The following NLRP12 variants were observed in gnomAD, a reference collection of about 807,000 sequenced individuals.
NLRP12 encodes the protein NACHT, LRR and PYD domains-containing protein 12.
A neutral mutation model predicts 91.2 loss-of-function variants in NLRP12; 108 were observed. The observed-to-expected ratio is 1.18, with a 90% CI of 1.01 to 1.39. The LOEUF (loss-of-function observed/expected upper bound fraction) is 1.39. Ranked by LOEUF, NLRP12 falls within the 40% of genes most tolerant of loss-of-function variation. The pLI is 0.00. For synonymous variants in NLRP12, 613 were observed against 566.7 expected, an observed-to-expected ratio of 1.08 and a Z score of -1.16; for missense variants, 1,530 against 1,352.7, an observed-to-expected ratio of 1.13 and a Z score of -2.06.
Position 53,809,983 on chromosome 19 carries a change from G to C in NLRP12, c.1676C>G (p.Thr559Ser). 1 of 1,614,150 alleles carries C rather than the reference G, an allele frequency of 6.2e-7. No homozygotes were observed. Among genetic ancestry groups the C allele is most frequent in the Non-Finnish European group, 8.5e-7 (1 of 1,180,032 alleles). ...CAGGAGTCCAAACAGGAAGCGGCTGGTGAGTGCCAGGAAGCTCCTTTCAGA... is the reference window on the plus strand; with the variant it reads ...CAGGAGTCCAAACAGGAAGCGGCTGCTGAGTGCCAGGAAGCTCCTTTCAGA... Reference protein sequence around the residue: ...AFSERSFLALTSRFLFGLLNE... With the variant: ...AFSERSFLALSSRFLFGLLNE... The change falls in exon 3 of 10, where the codon ACC (threonine) becomes AGC (serine). Residue 559 changes from threonine to serine, a missense_variant. Transcript: ENST00000324134.
At chr19:53,821,679 C>T (rs1299069869) in intron 1 of NLRP12, among the ~76,000 whole-genome samples, 1 of 151,950 alleles carries the variant, frequency 6.6e-6, no homozygotes, top group Non-Finnish European at 1.5e-5. Context: ...ACAACAACAA[C>T]AAAAAGAAAT....
In NLRP12 at chr19:53,805,436, C is replaced by A. The variant is rs148745997; in HGVS notation, c.2258G>T (p.Arg753Leu). 42 of 1,613,666 alleles carry A rather than the reference C, an allele frequency of 2.6e-5. No individual in the cohort carries two copies. Among genetic ancestry groups the A allele is most frequent in the Non-Finnish European group, 3.3e-5 (39 of 1,179,904 alleles). Reference protein sequence around the residue: ...KLQNLRLKRCRISSSACEDLS... With the variant: ...KLQNLRLKRCLISSSACEDLS... Reference sequence around the variant, plus strand: ...GTCCTCGCAGGCTGAGCTGGAGATGCGGCACCTCTTCAGCCTGGGGTGGAA... The same window carrying A: ...GTCCTCGCAGGCTGAGCTGGAGATGAGGCACCTCTTCAGCCTGGGGTGGAA... The change falls in exon 5 of 10, where the codon CGC (arginine) becomes CTC (leucine). Residue 753 changes from arginine (R) to leucine (L), a missense_variant. Arg to Leu is a moderately radical substitution (Grantham distance 102). Transcript: ENST00000324134.
At chr19:53,805,083 A>G (rs2122606172) in intron 5 of NLRP12, among the ~76,000 whole-genome samples, 197 bp downstream of exon 5, 1 of 152,220 alleles carries the variant, frequency 6.6e-6, no homozygotes, top group African/African-American at 2.4e-5. Flanking sequence ...CATCATGTAG[A>G]ATTGAGTGTG....
At chr19:53,800,284 G>A (rs986297113) in intron 7 of NLRP12, among the ~76,000 whole-genome samples, 21 of 152,088 alleles carry the variant, frequency 1.4e-4, no homozygotes, top group South Asian at 8.3e-4. Context: ...CAGCCTGGGC[G>A]ACAGGGCAAG....
At chr19:53,814,078 C>T (rs1477330113) in intron 2 of NLRP12, among the ~76,000 whole-genome samples, 2 of 152,148 alleles carry the variant, frequency 1.3e-5, no homozygotes, top group Non-Finnish European at 2.9e-5. Flanking sequence ...AACAGTGTTG[C>T]TGTCTACCCA....
chr19:53,809,975 A>G lies in NLRP12; in HGVS notation c.1684T>C (p.Phe562Leu). 1 of 1,614,104 alleles carries G rather than the reference A, an allele frequency of 6.2e-7. No homozygotes were observed. The highest frequency in any genetic ancestry group is 8.5e-7 in the Non-Finnish European group (1 of 1,180,020). ...TCCTCGTTCAGGAGTCCAAACAGGA[A>G]GCGGCTGGTGAGTGCCAGGAAGCTC... is the stretch of plus-strand genomic sequence containing the variant. ...ERSFLALTSR[F>L]LFGLLNEETR... The change falls in exon 3 of 10, where the codon TTC becomes CTC. Residue 562 changes from phenylalanine (F) to leucine (L), a missense_variant. Phe to Leu is a conservative substitution (Grantham distance 22). Transcript: ENST00000324134.
intron 9 of NLRP12, among the ~76,000 whole-genome samples, chr19:53,795,099 G>GGTGTGTCT (rs2091726798): frequency 2.2e-5 from 3 of 133,398 alleles, no homozygotes; most frequent in African/African-American, 8.1e-5. Context: ...CACCATACCT[G>GGTGTGTCT]GTGTGTGCGT....
rs182841683 is a variant in NLRP12 at position 53,802,543 on chromosome 19, T to C, written c.2586-1146A>G. Among the ~76,000 whole-genome samples the C allele has an allele frequency of 3.0e-3, 448 of 151,582 alleles. 1 individual carries two copies. The highest frequency in any genetic ancestry group is 0.01 in the African/African-American group (421 of 41,362). On this transcript the variant is annotated intron_variant, in intron 6 of 9. Coordinates refer to ENST00000324134, the MANE Select transcript of NLRP12 (RefSeq NM_144687.4). Reference sequence around the variant, plus strand: ...TAACACGGTGAAACCCCGTCTCTACTAAAAATACAAAAAATTAGCCAAGCG... The same window carrying C: ...TAACACGGTGAAACCCCGTCTCTACCAAAAATACAAAAAATTAGCCAAGCG...
intron 5 of NLRP12, among the ~76,000 whole-genome samples, chr19:53,804,438 A>G (rs8109750): frequency 0.91 from 126,809 of 138,884 alleles, 58,031 homozygotes; most frequent in Non-Finnish European, 0.95. Context: ...TCATTCTGTC[A>G]CCCAGGCTGG....
chr19:53,805,903 T>C (rs761128239), intron 4 of NLRP12: 7 of 227,716 alleles, frequency 3.1e-5, no homozygotes, highest in Non-Finnish European at 6.2e-5. Context: ...AATGTTTTGA[T>C]GCTTTGTAGT....
chr19:53,805,260 T>A lies in NLRP12; in HGVS notation c.2414+20A>T. 1 of 1,612,372 alleles carries A rather than the reference T, an allele frequency of 6.2e-7. No homozygotes were observed. Among genetic ancestry groups the A allele is most frequent in the Non-Finnish European group, 8.5e-7 (1 of 1,178,680 alleles). On this transcript the variant is annotated intron_variant, in intron 5 of 9. Transcript: ENST00000324134. ...GGAGACAATGAGCTTAAGAAGTTGC[T>A]CCCGGGGATAGAGACTCACTGAATC...
In NLRP12 at chr19:53,798,227, A is replaced by T; in HGVS notation, c.2927+16T>A. ...CAAACGTGACCACTGCCACCCCGTCACTCCCCGATGCTCACCACAGTTTCT... is the reference window on the plus strand; with the variant it reads ...CAAACGTGACCACTGCCACCCCGTCTCTCCCCGATGCTCACCACAGTTTCT... On this transcript the variant is annotated intron_variant, in intron 8 of 9. Coordinates refer to ENST00000324134, the MANE Select transcript of NLRP12 (RefSeq NM_144687.4). 6.2e-7 allele frequency: 1 copy of T among 1,613,880 alleles called. No homozygotes were observed. The highest frequency in any genetic ancestry group is 8.5e-7 in the Non-Finnish European group (1 of 1,179,960).
chr19:53,809,735 C>A lies in NLRP12; in HGVS notation c.1924G>T (p.Ala642Ser). 1 of 1,614,084 alleles carries A rather than the reference C, an allele frequency of 6.2e-7. No individual in the cohort carries two copies. The highest frequency in any genetic ancestry group is 8.5e-7 in the Non-Finnish European group (1 of 1,180,032). ...HFQVIVVSNI[A>S]SKMEHMVSSF... ...GAGACCATGTGCTCCATCTTGGAGG[C>A]AATGTTGCTGACCACGATCACCTGG... The change falls in exon 3 of 10, where the codon GCC becomes TCC. Residue 642 changes from alanine (A) to serine (S), a missense_variant. Coordinates refer to ENST00000324134, the MANE Select transcript of NLRP12 (RefSeq NM_144687.4).
In NLRP12 at chr19:53,801,259, G is replaced by A. The variant is rs1477941161; in HGVS notation, c.2724C>T (p.Leu908=). Residue 908 remains leucine (L), a synonymous_variant, in exon 7 of 10, where the codon CTC becomes CTT. Transcript: ENST00000324134. ...DLGVLLLCEG[L]RHPTCKLQTL... is the part of the protein sequence containing the mutation. Reference sequence around the variant, plus strand: ...TCTGGAGCTTGCACGTGGGATGCCTGAGGCCCTCACACAGCAGCAGCACCC... The same window carrying A: ...TCTGGAGCTTGCACGTGGGATGCCTAAGGCCCTCACACAGCAGCAGCACCC... The A allele has an allele frequency of 6.2e-7, 1 of 1,613,916 alleles. No individual in the cohort carries two copies. Among genetic ancestry groups the A allele is most frequent in the Non-Finnish European group, 8.5e-7 (1 of 1,179,978 alleles).
At position 53,809,539 on chromosome 19, in the gene NLRP12, A is replaced by C. The variant is rs1001572895; in HGVS notation, c.2072+48T>G. The C allele has an allele frequency of 8.2e-6, 12 of 1,469,128 alleles. No individual in the cohort carries two copies. In the African/African-American group the frequency reaches 8.9e-5, roughly 11 times the overall value. 91.0% of individuals were successfully genotyped at this position (1,469,128 alleles called of 1,614,324 possible). On this transcript the variant is annotated intron_variant, in intron 3 of 9. Transcript: ENST00000324134. ...GAGCAAAAAAAAAAAAAAAAAAAAA[A>C]AACACACGAACCTAAGCAGCCCCAG...
Position 53,810,911 on chromosome 19 carries a change from T to A in NLRP12, c.748A>T (p.Ile250Phe), listed in dbSNP as rs2092061524. The A allele has an allele frequency of 6.2e-7, 1 of 1,614,092 alleles. No individual in the cohort carries two copies. The highest frequency in any genetic ancestry group is 8.5e-7 in the Non-Finnish European group (1 of 1,180,014). Residue 250 changes from isoleucine (I) to phenylalanine (F), a missense_variant, in exon 3 of 10, where the codon ATC becomes TTC. Transcript: ENST00000324134. ...FQGRFDYLFY[I>F]NCREMNQSAT... ...CTCTGGTTCATCTCCCTGCAGTTGATGTAGAAGAGATAATCAAATCTGCCT... is the reference window on the plus strand; with the variant it reads ...CTCTGGTTCATCTCCCTGCAGTTGAAGTAGAAGAGATAATCAAATCTGCCT...
At chr19:53,803,853 C>T (rs2091912108) in intron 6 of NLRP12, 99 bp downstream of exon 6, 5 of 1,207,558 alleles carry the variant, frequency 4.1e-6, no homozygotes, top group African/African-American at 1.5e-5. Flanking sequence ...GGATTACAGG[C>T]GTGAGCCACT....
chr19:53,810,932 T>C lies in NLRP12; in HGVS notation c.727A>G (p.Arg243Gly), dbSNP rs2092061954. The change falls in exon 3 of 10, where the codon AGA becomes GGA. Residue 243 changes from arginine to glycine, a missense_variant. Coordinates refer to ENST00000324134, the MANE Select transcript of NLRP12 (RefSeq NM_144687.4). ...TTGATGTAGAAGAGATAATCAAATC[T>C]GCCTTGGAAGAGCTTCCCGTCCGCC... The part of the protein sequence containing the change: ...DWADGKLFQG[R>G]FDYLFYINCR... 3.1e-6 allele frequency: 5 copies of C among 1,614,134 alleles called. No homozygotes were observed. The highest frequency in any genetic ancestry group is 1.1e-5 in the South Asian group (1 of 91,080).
chr19:53,819,698 C>CACGTATATATATAT, intron 1 of NLRP12, among the ~76,000 whole-genome samples: 1 of 41,136 alleles, frequency 2.4e-5, no homozygotes, highest in African/African-American at 7.3e-5. Context: ...TATATACACA[C>CACGTATATATATAT]ACACACACGT....
Sources: allele counts gnomAD v4.1 joint callset (sites outside exome capture counted in the v4.1 genomes callset), GRCh38; gene constraint gnomAD v4.1.1; transcripts MANE v1.5; gene names NCBI Gene and HGNC (gene_info 2026-07-23, HGNC 2026-07-21).